The following AIG1 variants were observed in gnomAD, a reference collection of about 807,000 sequenced individuals.
AIG1 encodes androgen induced 1, also known as androgen-induced gene 1 protein.
A neutral mutation model predicts 31.4 loss-of-function variants in AIG1; 23 were observed. The ratio of observed to expected loss-of-function variants is 0.73; its 90% confidence interval spans 0.53 to 1.04. The LOEUF (loss-of-function observed/expected upper bound fraction) is 1.04, where lower values mean the gene tolerates loss of function less well. Ranked by LOEUF, AIG1 falls within the 50% of genes least tolerant of loss-of-function variation. The probability of loss-of-function intolerance (pLI) is 0.00; values close to 1 mark genes in which losing one functional copy is unlikely to be tolerated. For synonymous variants in AIG1, 100 were observed against 110.5 expected (o/e 0.90, Z 0.60); for missense variants, 274 against 295.0 (o/e 0.93, Z 0.52).
At chr6:143,155,729 A>G (rs945346337) in intron 2 of AIG1, among the ~76,000 whole-genome samples, 2 of 152,184 alleles carry the variant, frequency 1.3e-5, no homozygotes, top group African/African-American at 2.4e-5. Flanking sequence ...AGGAATGGAT[A>G]CTTCAAGTGT....
rs911394368 is a variant in AIG1, at chr6:143,301,682, A to G, written c.515+17457A>G. On this transcript the variant is annotated intron_variant, in intron 4 of 5. Coordinates refer to ENST00000357847, the MANE Select transcript of AIG1 (RefSeq NM_016108.4). ...TCAGATCTCATGAGAACTCACTATC[A>G]AAAGAACAGCATGGGGGAAACTGCC... is the stretch of plus-strand genomic sequence containing the variant. Among the ~76,000 whole-genome samples, 11 of 152,094 alleles carry G rather than the reference A, an allele frequency of 7.2e-5. No homozygotes were observed. The East Asian group carries it at 2.1e-3, about 29-fold the overall frequency.
intron 3 of AIG1, among the ~76,000 whole-genome samples, chr6:143,275,822 G>A (rs548281615): frequency 6.6e-6 from 1 of 152,036 alleles, no homozygotes; most frequent in East Asian, 1.9e-4. Context: ...ATTCATTAGA[G>A]GTGCTATTCT....
intron 3 of AIG1, among the ~76,000 whole-genome samples, chr6:143,196,353 A>ACACGCGCG (rs891458723): frequency 1.2e-4 from 3 of 25,036 alleles, no homozygotes; most frequent in African/African-American, 4.5e-4. Flanking sequence ...CAAAAGCAAC[A>ACACGCGCG]CACACACACA....
Position 143,256,572 on chromosome 6 carries a change from C to A in AIG1, c.400-27538C>A, listed in dbSNP as rs1267047167. 6.6e-6 allele frequency among the ~76,000 whole-genome samples: 1 copy of A among 152,202 alleles called. No homozygotes were observed. The highest frequency in any genetic ancestry group is 2.4e-5 in the African/African-American group (1 of 41,448). On this transcript the variant is annotated intron_variant, in intron 3 of 5. Coordinates refer to ENST00000357847, the MANE Select transcript of AIG1 (RefSeq NM_016108.4). The surrounding 1 kb of genome is among the most constrained non-coding windows in gnomAD (Gnocchi z 4.6). ...ATTGAACCCTAAATCCAAACAAAATCTTCCATGGACATCGAGCAGATAAAA... is the reference window on the plus strand; with the variant it reads ...ATTGAACCCTAAATCCAAACAAAATATTCCATGGACATCGAGCAGATAAAA...
chr6:143,272,858 C>T (rs1362283076), intron 3 of AIG1, among the ~76,000 whole-genome samples: 3 of 152,126 alleles, frequency 2.0e-5, no homozygotes, highest in African/African-American at 4.8e-5. Flanking sequence ...TGGCCAGGCG[C>T]GGTGGCTCAT....
chr6:143,083,856 G>A (rs915522575), intron 1 of AIG1, among the ~76,000 whole-genome samples: 4 of 152,166 alleles, frequency 2.6e-5, no homozygotes, highest in African/African-American at 4.8e-5. Context: ...TCAAGTAGGG[G>A]ACAACAAACG....
chr6:143,210,130 C>T (rs557339627), intron 3 of AIG1, among the ~76,000 whole-genome samples: 3 of 152,242 alleles, frequency 2.0e-5, no homozygotes, highest in East Asian at 3.9e-4. Flanking sequence ...TGAGATCTGA[C>T]GAGTTTATAA....
chr6:143,185,705 A>G (rs1257139974), intron 3 of AIG1, among the ~76,000 whole-genome samples: 1 of 152,004 alleles, frequency 6.6e-6, no homozygotes, highest in Non-Finnish European at 1.5e-5. Context: ...TGGTCTTAGC[A>G]TCCTCTGCAT....
intron 1 of AIG1, among the ~76,000 whole-genome samples, chr6:143,091,928 G>A (rs1379910904): frequency 2.6e-5 from 4 of 152,176 alleles, no homozygotes; most frequent in Non-Finnish European, 5.9e-5. Context: ...AATTAGGTGA[G>A]AGGAAACACC....
intron 1 of AIG1, among the ~76,000 whole-genome samples, chr6:143,127,916 G>C (rs764315464): frequency 2.0e-5 from 3 of 152,096 alleles, no homozygotes; most frequent in Admixed American, 6.5e-5. Flanking sequence ...TGGAACTCCT[G>C]ACCTCAAGTG....
rs573503852 is a variant in AIG1 at position 143,298,377 on chromosome 6, T to G, written c.515+14152T>G. On this transcript the variant is annotated intron_variant, in intron 4 of 5. Coordinates refer to ENST00000357847, the MANE Select transcript of AIG1 (RefSeq NM_016108.4). The surrounding 1 kb of genome is among the most constrained non-coding windows in gnomAD (Gnocchi z 5.1). ...AAGTGTCTAGCCACACATGCTAAAC[T>G]TAAGCCAAAGATATGTAAAGAATGT... Among the ~76,000 whole-genome samples, 1 of 152,346 alleles carries G rather than the reference T, an allele frequency of 6.6e-6. No individual in the cohort carries two copies. The highest frequency in any genetic ancestry group is 2.1e-4 in the South Asian group (1 of 4,834).
rs151327662 is a variant in AIG1 at position 143,258,927 on chromosome 6, G to A, written c.400-25183G>A. ...TCTTTTTAACAATCTGCTCTCATGG[G>A]AACCACATCCAAACCATAGCAGAGG... is the stretch of plus-strand genomic sequence containing the variant. On this transcript the variant is annotated intron_variant, in intron 3 of 5. Coordinates refer to ENST00000357847, the MANE Select transcript of AIG1 (RefSeq NM_016108.4). This position sits in a 1 kb window ranked among gnomAD's most constrained non-coding sequence, Gnocchi z 4.7. 9.3e-3 allele frequency among the ~76,000 whole-genome samples: 1,413 copies of A among 152,278 alleles called. 9 individuals carry two copies. The highest frequency in any genetic ancestry group is 0.015 in the Non-Finnish European group (1,020 of 68,028).
Position 143,329,881 on chromosome 6 carries a change from C to T in AIG1, c.516-3401C>T, listed in dbSNP as rs1034950258. 6.6e-5 allele frequency among the ~76,000 whole-genome samples: 10 copies of T among 152,186 alleles called. No homozygotes were observed. The highest frequency in any genetic ancestry group is 1.9e-4 in the East Asian group (1 of 5,190). On this transcript the variant is annotated intron_variant, in intron 4 of 5. Coordinates refer to ENST00000357847, the MANE Select transcript of AIG1 (RefSeq NM_016108.4). This position sits in a 1 kb window ranked among gnomAD's most constrained non-coding sequence, Gnocchi z 4.9. ...TATGGCTGCTTTTGCACTACAATGG[C>T]GGAGTTGAGTAGGTGTGATCGAGAC... is the stretch of plus-strand genomic sequence containing the variant.
chr6:143,260,017 C>CTTTTTTTT (rs35620148), intron 3 of AIG1, among the ~76,000 whole-genome samples: 6 of 85,118 alleles, frequency 7.0e-5, no homozygotes, highest in Admixed American at 1.5e-4. Flanking sequence ...TCTTGTGCTT[C>CTTTTTTTT]TTTTTTTTTT....
At chr6:143,226,985 C>CT (rs11431811) in intron 3 of AIG1, among the ~76,000 whole-genome samples, 33,166 of 113,578 alleles carry the variant, frequency 0.29, 4,364 homozygotes, top group East Asian at 0.35. Flanking sequence ...GAGTTTTTGT[C>CT]TTTTTTTTTT....
chr6:143,136,796 A>C, intron 1 of AIG1, 39 bp from the exon 2 acceptor site: 1 of 1,324,592 alleles, frequency 7.5e-7, no homozygotes. Flanking sequence ...TTGGGTCTCC[A>C]GATCTTAATG....
At chr6:143,085,134 T>C (rs1203190678) in intron 1 of AIG1, among the ~76,000 whole-genome samples, 3 of 152,192 alleles carry the variant, frequency 2.0e-5, no homozygotes, top group Non-Finnish European at 2.9e-5. Context: ...CCTAGGTCTA[T>C]TTTAATTTGC....
intron 3 of AIG1, among the ~76,000 whole-genome samples, chr6:143,252,731 A>G (rs1010288508): frequency 6.6e-6 from 1 of 152,184 alleles, no homozygotes. Flanking sequence ...AACAACGCAC[A>G]TTTATCATTT....
At position 143,339,747 on chromosome 6, in the gene AIG1, G is replaced by A; in HGVS notation, c.*71G>A. 2 of 1,553,258 alleles carry A rather than the reference G, an allele frequency of 1.3e-6. No homozygotes were observed. The highest frequency in any genetic ancestry group is 1.4e-5 in the African/African-American group (1 of 72,962). On this transcript the variant is annotated 3_prime_UTR_variant, in exon 6 of 6. Transcript: ENST00000357847. ...CTCCTTCCCCTCGGGCATTGGCAGTGGGGGAGAAAAGGCTTCAAAGGAACT... is the reference window on the plus strand; with the variant it reads ...CTCCTTCCCCTCGGGCATTGGCAGTAGGGGAGAAAAGGCTTCAAAGGAACT...
Sources: allele counts gnomAD v4.1 joint callset (sites outside exome capture counted in the v4.1 genomes callset), GRCh38; gene constraint gnomAD v4.1.1; non-coding constraint Gnocchi (gnomAD v3.1); transcripts MANE v1.5; gene names NCBI Gene and HGNC (gene_info 2026-07-23, HGNC 2026-07-21).